Variants in RBFOX1 observed in about 807,000 individuals in gnomAD.
RBFOX1 encodes RNA binding protein fox-1 homolog 1.
A neutral mutation model predicts 57.7 loss-of-function variants in RBFOX1; 8 were observed. The observed-to-expected ratio is 0.14, with a 90% CI of 0.08 to 0.25. RBFOX1 has a LOEUF of 0.25. Among genes scored for constraint, RBFOX1 ranks in the 10% least tolerant of loss-of-function variants. RBFOX1 has a pLI of 1.00. For missense variants in RBFOX1, 611 were observed against 548.5 expected (o/e 1.11, Z -1.14); for synonymous variants, 326 against 222.4 (o/e 1.47, Z -4.15).
chr16:7,596,234 C>G (rs1376939550), intron 8 of RBFOX1, among the ~76,000 whole-genome samples: 1 of 146,868 alleles, frequency 6.8e-6, no homozygotes, highest in Non-Finnish European at 1.5e-5. Flanking sequence ...AAGTGAATAA[C>G]CAAACAGGAT....
intron 2 of RBFOX1, among the ~76,000 whole-genome samples, chr16:6,629,882 T>A (rs188176405): frequency 6.6e-6 from 1 of 152,044 alleles, no homozygotes; most frequent in South Asian, 2.1e-4. Flanking sequence ...CTTAATGTTA[T>A]GAAGGACCTG....
intron 3 of RBFOX1, among the ~76,000 whole-genome samples, chr16:6,911,461 A>G (rs1018160202): frequency 6.6e-6 from 1 of 152,116 alleles, no homozygotes; most frequent in Non-Finnish European, 1.5e-5. Flanking sequence ...TAACTCTGTC[A>G]GTGTGATCTC....
At chr16:7,043,497 G>C (rs114998880) in intron 3 of RBFOX1, among the ~76,000 whole-genome samples, 5 of 152,144 alleles carry the variant, frequency 3.3e-5, no homozygotes, top group Non-Finnish European at 7.3e-5. Context: ...ACTTGGAGAC[G>C]TGCGTTTATA....
At chr16:7,109,940 A>G (rs145947886) in intron 4 of RBFOX1, among the ~76,000 whole-genome samples, 3,235 of 152,246 alleles carry the variant, frequency 0.021, 66 homozygotes, top group Middle Eastern at 0.044. Context: ...CAAATATACA[A>G]TTAAAAACTG....
At chr16:5,828,242 T>G (rs1237042069) in intron 3 of RBFOX1, among the ~76,000 whole-genome samples, 1 of 152,062 alleles carries the variant, frequency 6.6e-6, no homozygotes, top group Non-Finnish European at 1.5e-5. Flanking sequence ...CACCCACAAA[T>G]CTACCCATCC....
chr16:5,522,618 A>G (rs1280072077), intron 2 of RBFOX1, among the ~76,000 whole-genome samples: 2 of 152,186 alleles, frequency 1.3e-5, no homozygotes, highest in African/African-American at 2.4e-5. Flanking sequence ...CTACTCTGCC[A>G]TGGAAGATGA....
At chr16:5,273,684 T>G (rs1276003180) in intron 1 of RBFOX1, among the ~76,000 whole-genome samples, 2 of 152,014 alleles carry the variant, frequency 1.3e-5, no homozygotes, top group African/African-American at 4.8e-5. Flanking sequence ...TGAAGACCTG[T>G]TATAGTGAGG....
chr16:6,266,707 C>G (rs963052953), intron 1 of RBFOX1, among the ~76,000 whole-genome samples: 1 of 148,704 alleles, frequency 6.7e-6, no homozygotes, highest in Non-Finnish European at 1.5e-5. Context: ...GTGCAAGACT[C>G]TGTCTAAAAA....
chr16:6,992,719 A>C (rs2091690792), intron 3 of RBFOX1, among the ~76,000 whole-genome samples: 1 of 151,972 alleles, frequency 6.6e-6, no homozygotes, highest in African/African-American at 2.4e-5. Context: ...TTTTAGAGAA[A>C]AGATGGCATG....
intron 14 of RBFOX1, among the ~76,000 whole-genome samples, chr16:7,691,336 AAAAT>A (rs1006522984): frequency 1.3e-5 from 2 of 151,764 alleles, no homozygotes; most frequent in African/African-American, 4.8e-5. Flanking sequence ...CCAGGGGTAA[AAAAT>A]AAAATAAAAA....
intron 1 of RBFOX1, among the ~76,000 whole-genome samples, chr16:6,159,918 C>T (rs957343709): frequency 1.3e-5 from 2 of 152,134 alleles, no homozygotes; most frequent in African/African-American, 2.4e-5. Flanking sequence ...CTTTTGCCAG[C>T]CTTAAGGTGC....
At chr16:5,957,840 A>G (rs1238561197) in intron 4 of RBFOX1, among the ~76,000 whole-genome samples, 4 of 152,100 alleles carry the variant, frequency 2.6e-5, no homozygotes, top group African/African-American at 7.2e-5. Flanking sequence ...TCTTTTAGTT[A>G]TTTGGAAATG....
At chr16:7,424,626 G>T (rs1263688511) in intron 4 of RBFOX1, among the ~76,000 whole-genome samples, 1 of 152,152 alleles carries the variant, frequency 6.6e-6, no homozygotes, top group East Asian at 1.9e-4. Context: ...CATCATAGCT[G>T]TTCACAAGGT....
At chr16:5,433,198 C>G (rs2067807444) in intron 1 of RBFOX1, among the ~76,000 whole-genome samples, 1 of 152,150 alleles carries the variant, frequency 6.6e-6, no homozygotes, top group Non-Finnish European at 1.5e-5. Flanking sequence ...CCATGTTTTT[C>G]TTTGCCTCCT....
intron 2 of RBFOX1, among the ~76,000 whole-genome samples, chr16:6,376,390 C>T (rs1403116970): frequency 6.6e-6 from 1 of 152,174 alleles, no homozygotes; most frequent in Non-Finnish European, 1.5e-5. Context: ...TCTTGCTGTT[C>T]TGGAGCCCAG....
intron 2 of RBFOX1, among the ~76,000 whole-genome samples, chr16:6,528,527 T>C (rs1338485921): frequency 6.6e-6 from 1 of 152,196 alleles, no homozygotes; most frequent in East Asian, 1.9e-4. Context: ...AAAGGAGGTG[T>C]CCTTCACACG....
intron 2 of RBFOX1, among the ~76,000 whole-genome samples, chr16:6,574,497 C>G (rs2097395979): frequency 7.1e-6 from 1 of 141,090 alleles, no homozygotes; most frequent in Non-Finnish European, 1.5e-5. Flanking sequence ...GGCGCGATCT[C>G]CGCTCACTGC....
At chr16:5,841,200 C>G (rs1249942469) in intron 3 of RBFOX1, among the ~76,000 whole-genome samples, 1 of 152,146 alleles carries the variant, frequency 6.6e-6, no homozygotes, top group Non-Finnish European at 1.5e-5. Flanking sequence ...ACTGTTATCA[C>G]CACCAATCCA....
At chr16:5,825,871 A>T (rs1245453140) in intron 3 of RBFOX1, among the ~76,000 whole-genome samples, 4 of 109,924 alleles carry the variant, frequency 3.6e-5, no homozygotes, top group African/African-American at 1.4e-4. Flanking sequence ...ATAAGGAATA[A>T]TATTCCGTAA....
Sources: allele counts gnomAD v4.1 joint callset (sites outside exome capture counted in the v4.1 genomes callset), GRCh38; gene constraint gnomAD v4.1.1; transcripts MANE v1.5; gene names NCBI Gene and HGNC (gene_info 2026-07-23, HGNC 2026-07-21).